Variants in RGS6 observed in about 807,000 individuals in gnomAD.
RGS6 encodes the protein regulator of G protein signaling 6.
In RGS6, 30 loss-of-function variants were observed where a neutral mutation model predicts 78.5. The observed-to-expected ratio is 0.38, with a 90% confidence interval of 0.29 to 0.52. The LOEUF (loss-of-function observed/expected upper bound fraction) is 0.52. RGS6 is among the 20% of genes least tolerant of loss of function. The probability of loss-of-function intolerance (pLI) is 0.85; values close to 1 mark genes in which losing one functional copy is unlikely to be tolerated. For synonymous variants in RGS6, 206 were observed against 206.0 expected (o/e 1.00, Z 0.00); for missense variants, 495 against 609.7 (o/e 0.81, Z 1.98).
chr14:72,533,645 C>G (rs923841273), intron 15 of RGS6, among the ~76,000 whole-genome samples: 1 of 152,176 alleles, frequency 6.6e-6, no homozygotes, highest in East Asian at 1.9e-4. Context: ...GTAAAAATAT[C>G]AACATTAATG....
intron 2 of RGS6, among the ~76,000 whole-genome samples, chr14:72,079,626 G>A (rs1362246066): frequency 6.6e-6 from 1 of 151,956 alleles, no homozygotes; most frequent in African/African-American, 2.4e-5. Context: ...GGTGTATAAC[G>A]GATCTTTTAA....
chr14:71,900,319 G>A, the RGS6 span, among the ~76,000 whole-genome samples: 4 of 152,060 alleles, frequency 2.6e-5, no homozygotes, highest in African/African-American at 7.2e-5. Flanking sequence ...TATAATTACC[G>A]CTTTTTTATC....
the RGS6 span, among the ~76,000 whole-genome samples, chr14:71,923,955 T>C: frequency 6.6e-6 from 1 of 152,346 alleles, no homozygotes; most frequent in South Asian, 2.1e-4. Flanking sequence ...GGAATAGTTC[T>C]GTTGTCTTGA....
the RGS6 span, among the ~76,000 whole-genome samples, chr14:71,880,811 C>T: frequency 2.0e-5 from 3 of 152,230 alleles, no homozygotes; most frequent in Non-Finnish European, 4.4e-5. Flanking sequence ...CACACAGAGT[C>T]CCCACTGGGG....
intron 2 of RGS6, among the ~76,000 whole-genome samples, chr14:72,048,811 G>A (rs951965113): frequency 3.3e-5 from 5 of 151,536 alleles, no homozygotes; most frequent in African/African-American, 1.2e-4. Context: ...ACAGTACATA[G>A]CCATTGCAGT....
chr14:72,491,200 G>C (rs2096573566), intron 12 of RGS6, among the ~76,000 whole-genome samples: 1 of 152,066 alleles, frequency 6.6e-6, no homozygotes, highest in Non-Finnish European at 1.5e-5. Context: ...TTTTATTGTG[G>C]ATCGATAACC....
downstream of RGS6, chr14:72,566,596 C>T (rs888696684): frequency 2.0e-5 from 3 of 149,632 alleles, no homozygotes; most frequent in Non-Finnish European, 2.9e-5. Flanking sequence ...GAAAAATCGA[C>T]CACCCCTCCC....
intron 2 of RGS6, among the ~76,000 whole-genome samples, chr14:72,296,555 T>G (rs1339210457): frequency 6.6e-6 from 1 of 152,208 alleles, no homozygotes; most frequent in East Asian, 1.9e-4. Flanking sequence ...TAGTTTTAAT[T>G]TGCATTTCTC....
At chr14:71,915,219 T>C in the RGS6 span, among the ~76,000 whole-genome samples, 4 of 151,526 alleles carry the variant, frequency 2.6e-5, no homozygotes, top group East Asian at 5.9e-4. Context: ...ATCGTGCCGC[T>C]GCACTCCAAC....
intron 3 of RGS6, among the ~76,000 whole-genome samples, chr14:72,453,450 C>T (rs2095545851): frequency 6.7e-6 from 1 of 148,312 alleles, no homozygotes; most frequent in Admixed American, 6.8e-5. Flanking sequence ...CCCGTCTCTA[C>T]TAAAAATACA....
chr14:72,343,644 T>A (rs1006549729), intron 2 of RGS6, among the ~76,000 whole-genome samples: 1 of 151,750 alleles, frequency 6.6e-6, no homozygotes, highest in African/African-American at 2.4e-5. Flanking sequence ...TTTTCGTATC[T>A]TCTTCCACTC....
In RGS6 at chr14:72,284,400, G is replaced by A. The variant is rs565365372; in HGVS notation, c.85-67695G>A. Among the ~76,000 whole-genome samples the A allele has an allele frequency of 7.0e-4, 106 of 152,266 alleles. 2 individuals are homozygous for A. The South Asian group carries it at 0.02, about 28-fold the overall frequency. On this transcript the variant is annotated intron_variant, in intron 2 of 17. Transcript: ENST00000553525. ...TGTGCAGCTTAGGGACTTGGTGCCCGGCATCCTAGCCATTTTAGCCATGGC... is the reference window on the plus strand; with the variant it reads ...TGTGCAGCTTAGGGACTTGGTGCCCAGCATCCTAGCCATTTTAGCCATGGC...
rs933508727 is a variant in RGS6, at chr14:72,369,686, A to G, written c.184+17492A>G. ...AAGCAAATTATACTAACATGAACTT[A>G]TGTAGTAGAATTATTTAATAAGCAT... On this transcript the variant is annotated intron_variant, in intron 3 of 17. Coordinates refer to ENST00000553525, the MANE Select transcript of RGS6 (RefSeq NM_001204424.2). 2.0e-5 allele frequency among the ~76,000 whole-genome samples: 3 copies of G among 152,346 alleles called. No homozygotes were observed. In the East Asian group the frequency reaches 5.8e-4, roughly 29 times the overall value.
intron 2 of RGS6, among the ~76,000 whole-genome samples, chr14:72,340,998 A>G (rs2076882031): frequency 6.6e-6 from 1 of 152,198 alleles, no homozygotes; most frequent in Admixed American, 6.5e-5. Flanking sequence ...GAAAGACTTG[A>G]TTCAGGTTCT....
At chr14:72,224,747 T>C (rs545752106) in intron 2 of RGS6, among the ~76,000 whole-genome samples, 1 of 152,172 alleles carries the variant, frequency 6.6e-6, no homozygotes, top group South Asian at 2.1e-4. Context: ...ACATTTAATC[T>C]CTGGGGACTT....
chr14:72,492,845 A>G (rs1400418819), intron 12 of RGS6, among the ~76,000 whole-genome samples: 1 of 152,166 alleles, frequency 6.6e-6, no homozygotes, highest in Non-Finnish European at 1.5e-5. Context: ...ACACAGTCAC[A>G]CGCATTCATT....
At chr14:72,284,858 T>C (rs1004911501) in intron 2 of RGS6, among the ~76,000 whole-genome samples, 2 of 152,160 alleles carry the variant, frequency 1.3e-5, no homozygotes, top group Non-Finnish European at 2.9e-5. Context: ...GGGCTGCCCA[T>C]AGGAACCCAC....
intron 6 of RGS6, among the ~76,000 whole-genome samples, chr14:72,461,275 G>T (rs1191179066): frequency 6.6e-6 from 1 of 152,132 alleles, no homozygotes; most frequent in African/African-American, 2.4e-5. Context: ...GTGGGAGGAT[G>T]GTAAGACCAG....
At chr14:72,172,933 C>T (rs1323850619) in intron 2 of RGS6, among the ~76,000 whole-genome samples, 2 of 152,206 alleles carry the variant, frequency 1.3e-5, no homozygotes, top group Non-Finnish European at 2.9e-5. Context: ...GCTTTTCTTG[C>T]TCTAAAGCAG....
Sources: gnomAD v4.1 joint callset for allele counts (sites outside exome capture counted in the v4.1 genomes callset) on GRCh38, gnomAD v4.1.1 for gene constraint, MANE v1.5 for transcripts, NCBI Gene and HGNC (gene_info 2026-07-23, HGNC 2026-07-21) for gene names.